The following CDK12 variants were observed in gnomAD, a reference collection of about 807,000 sequenced individuals.
The protein encoded by CDK12 is cyclin dependent kinase 12, also known as cyclin-dependent kinase 12.
In CDK12, 17 loss-of-function variants were observed where a neutral mutation model predicts 133.8. The ratio of observed to expected loss-of-function variants is 0.13; its 90% CI spans 0.09 to 0.19. The LOEUF (loss-of-function observed/expected upper bound fraction) is 0.19, where lower values mean the gene tolerates loss of function less well. Among genes scored for constraint, CDK12 ranks in the 10% least tolerant of loss-of-function variants. The pLI, the probability that CDK12 is intolerant of heterozygous loss-of-function variation, is 1.00. For missense variants in CDK12, 1,508 were observed against 1,818.7 expected (o/e 0.83, Z 3.11); for synonymous variants, 694 against 683.6 (o/e 1.02, Z -0.24).
chr17:39,506,476 A>G (rs993644036), intron 6 of CDK12, among the ~76,000 whole-genome samples: 2 of 151,550 alleles, frequency 1.3e-5, no homozygotes, highest in African/African-American at 2.4e-5. Context: ...TCAGCCTCCT[A>G]AAGTGCTAGG....
At chr17:39,496,912 CTTTTTTTTTTTTTTT>C (rs71147349) in intron 5 of CDK12, among the ~76,000 whole-genome samples, 1 of 87,834 alleles carries the variant, frequency 1.1e-5, no homozygotes, top group East Asian at 3.5e-4. Flanking sequence ...TTCAGTATAT[CTTTTTTTTTTTTTTT>C]TTTTTTTTTT....
At chr17:39,468,300 C>A (rs1165541382) in intron 1 of CDK12, among the ~76,000 whole-genome samples, 3 of 152,140 alleles carry the variant, frequency 2.0e-5, no homozygotes, top group Non-Finnish European at 2.9e-5. Flanking sequence ...GTTTCCCTTA[C>A]ACATATATGT....
chr17:39,545,416 T>C (rs1028799424), upstream of CDK12, among the ~76,000 whole-genome samples: 1 of 151,166 alleles, frequency 6.6e-6, no homozygotes, highest in African/African-American at 2.4e-5. Context: ...CTTTAACTCC[T>C]GGACTCAAGC....
intron 13 of CDK12, among the ~76,000 whole-genome samples, chr17:39,528,590 C>T (rs963551358): frequency 2.0e-5 from 3 of 152,208 alleles, no homozygotes; most frequent in Non-Finnish European, 4.4e-5. Flanking sequence ...CTTCCTTGTT[C>T]TCCCAAAGTA....
At position 39,501,314 on chromosome 17, in the gene CDK12, G is replaced by A; in HGVS notation, c.2484G>A (p.Leu828=). Residue 828 remains leucine, a synonymous_variant, in exon 6 of 14, where the codon TTG becomes TTA. Coordinates refer to ENST00000447079, the MANE Select transcript of CDK12 (RefSeq NM_016507.4). Reference sequence around the variant, plus strand: ...TAATGGGACTGCTAGAATCTGGTTTGGTGCACTTTTCTGAGGACCATATCA... The same window carrying A: ...TAATGGGACTGCTAGAATCTGGTTTAGTGCACTTTTCTGAGGACCATATCA... ...HDLMGLLESG[L]VHFSEDHIKS... is the part of the protein sequence containing the mutation. The A allele has an allele frequency of 1.2e-6, 2 of 1,612,972 alleles. No individual in the cohort carries two copies. Among genetic ancestry groups the A allele is most frequent in the South Asian group, 1.1e-5 (1 of 90,998 alleles).
At chr17:39,488,691 C>T (rs1402204371) in intron 2 of CDK12, among the ~76,000 whole-genome samples, 1 of 152,058 alleles carries the variant, frequency 6.6e-6, no homozygotes, top group Non-Finnish European at 1.5e-5. Flanking sequence ...ATGAACTCCA[C>T]GAGTTGCAGT....
chr17:39,510,716 C>T (rs1020076248), intron 7 of CDK12, among the ~76,000 whole-genome samples: 5 of 150,688 alleles, frequency 3.3e-5, no homozygotes, highest in South Asian at 2.1e-4. Context: ...CGGGTTCAAG[C>T]GATTCCCCTG....
chr17:39,513,328 TTAA>T (rs1362291494), intron 8 of CDK12, among the ~76,000 whole-genome samples: 1 of 152,210 alleles, frequency 6.6e-6, no homozygotes. Flanking sequence ...CCTTCCTCTA[TTAA>T]TGTCAGTCTT....
intron 2 of CDK12, among the ~76,000 whole-genome samples, chr17:39,474,088 T>C (rs2050007548): frequency 6.6e-6 from 1 of 152,116 alleles, no homozygotes; most frequent in African/African-American, 2.4e-5. Flanking sequence ...CTTAATATCT[T>C]GACAGGACTA....
Position 39,462,174 on chromosome 17 carries a change from C to T in CDK12, c.103C>T (p.Arg35Cys), listed in dbSNP as rs750600272. Reference protein sequence around the residue: ...SGGGSSNSRERHRLVSKHKRH... With the variant: ...SGGGSSNSRECHRLVSKHKRH... Reference sequence around the variant, plus strand: ...AGGCGGCAGCTCTAACAGCAGAGAGCGTCACCGCTTGGTATCGAAGCACAA... The same window carrying T: ...AGGCGGCAGCTCTAACAGCAGAGAGTGTCACCGCTTGGTATCGAAGCACAA... Residue 35 changes from arginine to cysteine, a missense_variant, in exon 1 of 14, where the codon CGT becomes TGT. This residue lies in a region of CDK12 where 460 missense variants were observed against 490.8 expected (regional missense o/e 0.94). Transcript: ENST00000447079. 4 of 1,614,088 alleles carry T rather than the reference C, an allele frequency of 2.5e-6. No individual in the cohort carries two copies. Among genetic ancestry groups the T allele is most frequent in the Non-Finnish European group, 3.4e-6 (4 of 1,180,032 alleles).
At chr17:39,541,358 G>A (rs2055402913) in intron 1 of CDK12, among the ~76,000 whole-genome samples, 1 of 121,914 alleles carries the variant, frequency 8.2e-6, no homozygotes, top group South Asian at 3.5e-4. Context: ...GTTTGAGTTT[G>A]GCTCTTTTTT....
chr17:39,493,826 T>C (rs2051844229), intron 4 of CDK12, among the ~76,000 whole-genome samples: 1 of 151,714 alleles, frequency 6.6e-6, no homozygotes, highest in Non-Finnish European at 1.5e-5. Flanking sequence ...GAAACCCCGT[T>C]TCTACTAAAA....
intron 10 of CDK12, among the ~76,000 whole-genome samples, chr17:39,518,546 C>CT (rs922522969): frequency 2.6e-5 from 4 of 152,066 alleles, no homozygotes; most frequent in Admixed American, 2.6e-4. Context: ...TTTTATTTTA[C>CT]TTTTTTTAAC....
At chr17:39,480,147 C>G (rs143451686) in intron 2 of CDK12, among the ~76,000 whole-genome samples, 103 of 151,962 alleles carry the variant, frequency 6.8e-4, no homozygotes, top group Non-Finnish European at 1.4e-3. Context: ...TGATTGCAAT[C>G]TCCTGACTTC....
At position 39,476,711 on chromosome 17, in the gene CDK12, C is replaced by CTTTTTTTTTTTTTTTTTTTTTTTTTTTT. The variant is rs879840168; in HGVS notation, c.1931+4950_1931+4977dup. Among the ~76,000 whole-genome samples, 8 of 84,530 alleles carry CTTTTTTTTTTTTTTTTTTTTTTTTTTTT rather than the reference C, an allele frequency of 9.5e-5. 1 individual carries two copies. Among genetic ancestry groups the CTTTTTTTTTTTTTTTTTTTTTTTTTTTT allele is most frequent in the Admixed American group, 3.3e-4 (2 of 6,120 alleles). The allele number at this position is 84,530 out of a possible 152,430, so 55.5% of individuals were successfully genotyped here. ...TACAGGCATGAGCCACCATGCCTGC[C>CTTTTTTTTTTTTTTTTTTTTTTTTTTTT]TTTTTTTTTTTTTTTTTTTTTTTTT... On this transcript the variant is annotated intron_variant, in intron 2 of 13. Transcript: ENST00000447079.
At chr17:39,483,934 C>G (rs1467181682) in intron 2 of CDK12, among the ~76,000 whole-genome samples, 1 of 151,884 alleles carries the variant, frequency 6.6e-6, no homozygotes, top group Non-Finnish European at 1.5e-5. Context: ...ACTGCTGCCT[C>G]CAGGTTCAAG....
rs2144869427 is a variant in CDK12, at chr17:39,462,413, C to G, written c.342C>G (p.His114Gln). 1 of 1,614,128 alleles carries G rather than the reference C, an allele frequency of 6.2e-7. No homozygotes were observed. The highest frequency in any genetic ancestry group is 8.5e-7 in the Non-Finnish European group (1 of 1,180,030). Residue 114 changes from histidine to glutamine, a missense_variant, in exon 1 of 14, where the codon CAC becomes CAG. His to Gln is a conservative substitution (Grantham distance 24). Transcript: ENST00000447079. ...RSDRLHKHRHHQHRRSRDLLK... is the reference protein window; with the variant it reads ...RSDRLHKHRHQQHRRSRDLLK... ...ACCGCCTGCACAAACATCGTCACCA[C>G]CAGCACAGGCGTTCCCGGGACTTAC...
At chr17:39,473,987 G>T (rs1436170867) in intron 2 of CDK12, among the ~76,000 whole-genome samples, 2 of 152,150 alleles carry the variant, frequency 1.3e-5, no homozygotes, top group Non-Finnish European at 2.9e-5. Context: ...AACTCAGGAG[G>T]CAGAGGCTGC....
chr17:39,535,925 C>T (rs145398027), downstream of CDK12, among the ~76,000 whole-genome samples: 1,423 of 152,236 alleles, frequency 9.3e-3, 14 homozygotes, highest in Non-Finnish European at 0.015. Flanking sequence ...CTCAACCATT[C>T]CAAGGGAGAG....
Sources: allele counts gnomAD v4.1 joint callset (sites outside exome capture counted in the v4.1 genomes callset), GRCh38; gene constraint gnomAD v4.1.1; regional missense constraint gnomAD v4.1.1; transcripts MANE v1.5; gene names NCBI Gene and HGNC (gene_info 2026-07-23, HGNC 2026-07-21).